Variants in CNTNAP4 observed in about 807,000 individuals in gnomAD.
The protein encoded by CNTNAP4 is contactin-associated protein-like 4.
Under a neutral mutation model 148.4 loss-of-function variants are expected in CNTNAP4, and 98 were observed. The ratio of observed to expected loss-of-function variants is 0.66; its 90% CI spans 0.56 to 0.78. The LOEUF (loss-of-function observed/expected upper bound fraction) is 0.78. CNTNAP4 is among the 30% of genes least tolerant of loss of function. The pLI is 0.00. For missense variants in CNTNAP4, 1,935 were observed against 1,565.6 expected, an observed-to-expected ratio of 1.24 and a Z score of -3.98; for synonymous variants, 730 against 565.1, an observed-to-expected ratio of 1.29 and a Z score of -4.14.
chr16:76,434,498 G>T (rs1487073346), intron 4 of CNTNAP4, among the ~76,000 whole-genome samples: 2 of 152,290 alleles, frequency 1.3e-5, no homozygotes, highest in Middle Eastern at 3.4e-3. Flanking sequence ...ATCACCACTT[G>T]ATTAAGCTTA....
At chr16:76,438,129 A>G (rs1377619413) in intron 4 of CNTNAP4, among the ~76,000 whole-genome samples, 2 of 152,136 alleles carry the variant, frequency 1.3e-5, no homozygotes, top group Non-Finnish European at 2.9e-5. Flanking sequence ...AAGTGGGGAC[A>G]GAGGTCAGAT....
intron 4 of CNTNAP4, among the ~76,000 whole-genome samples, chr16:76,436,727 G>A (rs190770205): frequency 6.6e-5 from 10 of 152,260 alleles, no homozygotes; most frequent in African/African-American, 2.4e-4. Context: ...TAAATCAGGA[G>A]TGTCCAATGC....
chr16:76,553,217 A>G, intron 21 of CNTNAP4, 66 bp from the exon 22 acceptor site: 1 of 953,944 alleles, frequency 1.0e-6, no homozygotes, highest in Non-Finnish European at 1.6e-6. Context: ...AGAATCCTCA[A>G]TTTCTGCATC....
chr16:76,387,991 C>T (rs998534092), intron 3 of CNTNAP4, among the ~76,000 whole-genome samples: 1 of 152,150 alleles, frequency 6.6e-6, no homozygotes, highest in Non-Finnish European at 1.5e-5. Flanking sequence ...AAACCCAATA[C>T]TATGTAAATA....
intron 1 of CNTNAP4, among the ~76,000 whole-genome samples, chr16:76,296,733 T>C (rs1243917431): frequency 6.6e-6 from 1 of 152,150 alleles, no homozygotes; most frequent in Non-Finnish European, 1.5e-5. Context: ...CACATCAATT[T>C]GAATCCAGTA....
intron 21 of CNTNAP4, among the ~76,000 whole-genome samples, chr16:76,541,328 A>G (rs368271983): frequency 6.6e-6 from 1 of 152,202 alleles, no homozygotes; most frequent in Non-Finnish European, 1.5e-5. Flanking sequence ...ATTTCCATCA[A>G]TTACCTTTAA....
chr16:76,278,377 C>T (rs1468495380), intron 1 of CNTNAP4, among the ~76,000 whole-genome samples: 3 of 152,154 alleles, frequency 2.0e-5, no homozygotes, highest in African/African-American at 7.2e-5. Context: ...TAAAGGAAAA[C>T]CAGTCAGGTG....
rs949644885 is a variant in CNTNAP4 at position 76,338,567 on chromosome 16, C to G, written c.197-16751C>G. 5.9e-5 allele frequency among the ~76,000 whole-genome samples: 9 copies of G among 152,182 alleles called. 1 individual carries two copies. Among genetic ancestry groups the G allele is most frequent in the Admixed American group, 5.9e-4 (9 of 15,284 alleles). ...TTCCCTAACCATTCAGCCAGCAGTG[C>G]TCTCCACACCCTGAACTTCTCAAGT... On this transcript the variant is annotated intron_variant, in intron 2 of 23. Coordinates refer to ENST00000611870, the MANE Select transcript of CNTNAP4 (RefSeq NM_033401.5).
chr16:76,514,143 G>A (rs926823464), intron 15 of CNTNAP4, among the ~76,000 whole-genome samples: 5 of 152,092 alleles, frequency 3.3e-5, no homozygotes, highest in Non-Finnish European at 7.4e-5. Flanking sequence ...AGGATGTTAC[G>A]CTTGGGAGGC....
chr16:76,356,105 C>T (rs34500194), intron 3 of CNTNAP4, among the ~76,000 whole-genome samples: 19,952 of 151,814 alleles, frequency 0.13, 2,025 homozygotes, highest in East Asian at 0.48. Context: ...GAACTCCTGG[C>T]CTCAAGCAGT....
chr16:76,536,673 A>G (rs544008828), intron 18 of CNTNAP4, among the ~76,000 whole-genome samples: 9 of 152,302 alleles, frequency 5.9e-5, no homozygotes, highest in African/African-American at 2.2e-4. Flanking sequence ...TTATTGTATG[A>G]TATGTTGAAT....
intron 15 of CNTNAP4, among the ~76,000 whole-genome samples, chr16:76,505,373 C>T (rs1302200329): frequency 1.0e-5 from 1 of 97,556 alleles, no homozygotes; most frequent in African/African-American, 2.6e-5. Context: ...AGAAGCCAGA[C>T]TAAAAAGCCT....
chr16:76,424,720 C>G (rs1597491741), intron 3 of CNTNAP4, among the ~76,000 whole-genome samples: 1 of 152,074 alleles, frequency 6.6e-6, no homozygotes, highest in African/African-American at 2.4e-5. Flanking sequence ...GATTGTGCCA[C>G]TGCACTCCAG....
chr16:76,420,239 G>A lies in CNTNAP4; in HGVS notation c.391-7213G>A, dbSNP rs571078452. The stretch of plus-strand genomic sequence containing the variant: ...TATATATTAGAATAATGTATATTCT[G>A]TAGAATATATATTAGAATAATGTAT... On this transcript the variant is annotated intron_variant, in intron 3 of 23. Coordinates refer to ENST00000611870, the MANE Select transcript of CNTNAP4 (RefSeq NM_033401.5). Among the ~76,000 whole-genome samples, 118 of 150,986 alleles carry A rather than the reference G, an allele frequency of 7.8e-4. 1 individual carries two copies. The highest frequency in any genetic ancestry group is 1.3e-3 in the Non-Finnish European group (86 of 67,862).
chr16:76,413,866 C>A (rs1231415190), intron 3 of CNTNAP4, among the ~76,000 whole-genome samples: 1 of 151,058 alleles, frequency 6.6e-6, no homozygotes, highest in Non-Finnish European at 1.5e-5. Context: ...AAATGTCATT[C>A]AAAAATTTCA....
chr16:76,410,069 A>G (rs775904865), intron 3 of CNTNAP4, among the ~76,000 whole-genome samples: 17 of 151,460 alleles, frequency 1.1e-4, no homozygotes, highest in Non-Finnish European at 2.2e-4. Flanking sequence ...CTGTTAAGTG[A>G]TGGATCCCCA....
intron 10 of CNTNAP4, among the ~76,000 whole-genome samples, chr16:76,469,130 T>C (rs963715874): frequency 2.6e-5 from 4 of 152,154 alleles, no homozygotes; most frequent in African/African-American, 9.7e-5. Flanking sequence ...TAGAAAACAG[T>C]AATAATAACC....
intron 4 of CNTNAP4, among the ~76,000 whole-genome samples, chr16:76,432,940 A>C (rs1455364728): frequency 6.6e-6 from 1 of 152,134 alleles, no homozygotes; most frequent in East Asian, 1.9e-4. Flanking sequence ...TAGGGCAATC[A>C]CCACGTACCC....
intron 3 of CNTNAP4, among the ~76,000 whole-genome samples, chr16:76,394,598 C>G (rs147684715): frequency 6.6e-6 from 1 of 151,974 alleles, no homozygotes; most frequent in South Asian, 2.1e-4. Flanking sequence ...AATTCTATAA[C>G]GTATTTAAGT....
Sources: allele counts gnomAD v4.1 joint callset (sites outside exome capture counted in the v4.1 genomes callset), GRCh38; gene constraint gnomAD v4.1.1; transcripts MANE v1.5; gene names NCBI Gene and HGNC (gene_info 2026-07-23, HGNC 2026-07-21).